The following PAPPA2 variants were observed in gnomAD, a reference collection of about 807,000 sequenced individuals.
PAPPA2 encodes the protein pappalysin-2.
Under a neutral mutation model 176.4 loss-of-function variants are expected in PAPPA2, and 86 were observed. The observed-to-expected ratio is 0.49, with a 90% CI of 0.41 to 0.58. PAPPA2 has a LOEUF of 0.58. Ranked by LOEUF, PAPPA2 falls within the 20% of genes least tolerant of loss-of-function variation. The probability of loss-of-function intolerance (pLI) is 0.00; values close to 1 mark genes in which losing one functional copy is unlikely to be tolerated. For synonymous variants in PAPPA2, 809 were observed against 852.2 expected (o/e 0.95, Z 0.88); for missense variants, 2,073 against 2,256.9 (o/e 0.92, Z 1.65).
chr1:176,673,764 G>A (rs1036925011), intron 4 of PAPPA2, among the ~76,000 whole-genome samples: 2 of 152,094 alleles, frequency 1.3e-5, no homozygotes, highest in African/African-American at 4.8e-5. Context: ...AGGACATGAG[G>A]AGTCCAATCC....
At chr1:176,488,364 C>T (rs1236597801) in intron 1 of PAPPA2, among the ~76,000 whole-genome samples, 1 of 151,924 alleles carries the variant, frequency 6.6e-6, no homozygotes, top group African/African-American at 2.4e-5. Context: ...GTTTATATAA[C>T]ATATAAAATT....
At chr1:176,748,813 G>C (rs768772037) in intron 14 of PAPPA2, among the ~76,000 whole-genome samples, 2 of 152,050 alleles carry the variant, frequency 1.3e-5, no homozygotes, top group Admixed American at 6.6e-5. Context: ...TGTAGCCTAC[G>C]AGCAGTAGGC....
At position 176,841,037 on chromosome 1, in the gene PAPPA2, T is replaced by A. The variant is rs536674662; in HGVS notation, c.5301+766T>A. Among the ~76,000 whole-genome samples the A allele has an allele frequency of 2.0e-5, 3 of 152,334 alleles. No homozygotes were observed. The South Asian group carries it at 6.2e-4, about 32-fold the overall frequency. On this transcript the variant is annotated intron_variant, in intron 22 of 22. Transcript: ENST00000367662. ...TCACTCGCTAATGTTTAATCCTTAC[T>A]CAATATGTGGCAGACACTGTTCTCA...
intron 2 of PAPPA2, among the ~76,000 whole-genome samples, chr1:176,571,249 C>T (rs1309497550): frequency 1.3e-5 from 2 of 152,200 alleles, no homozygotes; most frequent in Non-Finnish European, 2.9e-5. Flanking sequence ...TCCATCCCCT[C>T]ACCTTAATTG....
intron 1 of PAPPA2, among the ~76,000 whole-genome samples, chr1:176,525,044 A>G (rs1338635411): frequency 6.6e-6 from 1 of 152,038 alleles, no homozygotes; most frequent in South Asian, 2.1e-4. Flanking sequence ...TCCGTCTCAA[A>G]AAAAAAAAGT....
At chr1:176,498,622 C>T (rs1019681271) in intron 1 of PAPPA2, among the ~76,000 whole-genome samples, 18 of 151,796 alleles carry the variant, frequency 1.2e-4, no homozygotes, top group South Asian at 2.1e-4. Context: ...TGGTGGCGGG[C>T]GCCTGTAGTC....
At chr1:176,833,375 A>T (rs989680851) in intron 21 of PAPPA2, among the ~76,000 whole-genome samples, 3 of 152,104 alleles carry the variant, frequency 2.0e-5, no homozygotes, top group Non-Finnish European at 4.4e-5. Context: ...CCTCATAAAC[A>T]TTGTCTTTTT....
chr1:176,829,285 TG>T (rs201623758), intron 21 of PAPPA2, among the ~76,000 whole-genome samples: 1 of 145,760 alleles, frequency 6.9e-6, no homozygotes, highest in Non-Finnish European at 1.5e-5. Context: ...TGAGAGAGAA[TG>T]GGGAAAAAAA....
At chr1:176,495,545 AAAAAAAAGAAAAG>A (rs999699942) in intron 1 of PAPPA2, among the ~76,000 whole-genome samples, 3 of 151,710 alleles carry the variant, frequency 2.0e-5, no homozygotes, top group East Asian at 1.9e-4. Flanking sequence ...TTCAAAAAAA[AAAAAAAAGAAAAG>A]AAAAAAAGAA....
At position 176,623,669 on chromosome 1, in the gene PAPPA2, T is replaced by TTCTTTC. The variant is rs760279254; in HGVS notation, c.1991+28075_1991+28076insCTTTCT. On this transcript the variant is annotated intron_variant, in intron 3 of 22. Transcript: ENST00000367662. ...TTTCTTTCTTTCTTTCTTTCTTTCT[T>TTCTTTC]TTTCTTTCTTTCTTTCTCTCTCTCT... 6.9e-3 allele frequency among the ~76,000 whole-genome samples: 408 copies of TTCTTTC among 58,816 alleles called. 7 individuals carry two copies. Among genetic ancestry groups the TTCTTTC allele is most frequent in the African/African-American group, 0.017 (200 of 11,578 alleles). The allele number at this position is 58,816 out of a possible 152,430, so 38.6% of individuals were successfully genotyped here. A position where few individuals can be genotyped will look rare whatever the true frequency, so the allele number is the denominator to read the frequency against.
chr1:176,554,833 G>T (rs935448804), intron 1 of PAPPA2, among the ~76,000 whole-genome samples: 5 of 152,064 alleles, frequency 3.3e-5, no homozygotes, highest in African/African-American at 1.2e-4. Context: ...TTAAGATATT[G>T]TTCTTTTAAA....
chr1:176,557,068 G>C lies in PAPPA2; in HGVS notation c.746G>C (p.Arg249Pro), dbSNP rs369815833. 1 of 1,613,974 alleles carries C rather than the reference G, an allele frequency of 6.2e-7. No homozygotes were observed. Among genetic ancestry groups the C allele is most frequent in the African/African-American group, 1.3e-5 (1 of 74,962 alleles). The change falls in exon 2 of 23, where the codon CGA (arginine) becomes CCA (proline). Residue 249 changes from arginine to proline, a missense_variant. By Grantham distance (103) the Arg-to-Pro change is moderately radical. Around this residue, in one of 4 missense-constraint regions of PAPPA2, gnomAD observed 1,196 missense variants for 1,330.4 expected, o/e 0.90. Coordinates refer to ENST00000367662, the MANE Select transcript of PAPPA2 (RefSeq NM_020318.3). Reference protein sequence around the residue: ...SNQNGGEGSYREAETFNSQVG... With the variant: ...SNQNGGEGSYPEAETFNSQVG... ...CAAAATGGTGGAGAGGGCTCCTACCGAGAAGCAGAGACCTTTAACTCCCAA... is the reference window on the plus strand; with the variant it reads ...CAAAATGGTGGAGAGGGCTCCTACCCAGAAGCAGAGACCTTTAACTCCCAA...
chr1:176,754,695 G>T (rs953428828), intron 14 of PAPPA2, among the ~76,000 whole-genome samples: 1 of 152,232 alleles, frequency 6.6e-6, no homozygotes, highest in Non-Finnish European at 1.5e-5. Flanking sequence ...TCCCAATTTT[G>T]CTCAGAGCTG....
chr1:176,606,228 A>G (rs1654603272), intron 3 of PAPPA2, among the ~76,000 whole-genome samples: 2 of 152,156 alleles, frequency 1.3e-5, no homozygotes, highest in African/African-American at 4.8e-5. Flanking sequence ...TCATTATGCA[A>G]TAGCAGACAT....
At chr1:176,572,530 T>C (rs1418277825) in intron 2 of PAPPA2, among the ~76,000 whole-genome samples, 1 of 152,206 alleles carries the variant, frequency 6.6e-6, no homozygotes, top group Non-Finnish European at 1.5e-5. Flanking sequence ...TATTTGGTTT[T>C]GTGTGGTCCC....
At chr1:176,749,463 C>A (rs1265196502) in intron 14 of PAPPA2, among the ~76,000 whole-genome samples, 1 of 152,206 alleles carries the variant, frequency 6.6e-6, no homozygotes, top group East Asian at 1.9e-4. Flanking sequence ...CACATCAAAT[C>A]TGTAGTTTAC....
chr1:176,758,313 G>A (rs1190806144), intron 14 of PAPPA2, among the ~76,000 whole-genome samples: 1 of 152,192 alleles, frequency 6.6e-6, no homozygotes, highest in Admixed American at 6.5e-5. Flanking sequence ...GTCCTACAAA[G>A]CAGAGATGAA....
At chr1:176,642,737 G>T (rs1573182169) in intron 3 of PAPPA2, among the ~76,000 whole-genome samples, 1 of 152,018 alleles carries the variant, frequency 6.6e-6, no homozygotes, top group African/African-American at 2.4e-5. Context: ...TATGTTAGGG[G>T]TAAGAATGAA....
intron 14 of PAPPA2, among the ~76,000 whole-genome samples, chr1:176,746,221 T>C (rs1019381293): frequency 6.6e-6 from 1 of 152,142 alleles, no homozygotes; most frequent in Admixed American, 6.5e-5. Flanking sequence ...AAGAGAAATG[T>C]TTTCATGGTC....
Sources: allele counts gnomAD v4.1 joint callset (sites outside exome capture counted in the v4.1 genomes callset), GRCh38; gene constraint gnomAD v4.1.1; regional missense constraint gnomAD v4.1.1; transcripts MANE v1.5; gene names NCBI Gene and HGNC (gene_info 2026-07-23, HGNC 2026-07-21).